Variants in IRF7 observed in about 807,000 individuals in gnomAD.
IRF7 encodes interferon regulatory factor 7.
Under a neutral mutation model 51.3 loss-of-function variants are expected in IRF7, and 67 were observed. The observed-to-expected ratio is 1.31, with a 90% confidence interval of 1.07 to 1.60. The LOEUF (loss-of-function observed/expected upper bound fraction) is 1.60, where lower values mean the gene tolerates loss of function less well. Among genes scored for constraint, IRF7 ranks in the 40% most tolerant of loss-of-function variants. The probability of loss-of-function intolerance (pLI) is 0.00; values close to 1 mark genes in which losing one functional copy is unlikely to be tolerated. For missense variants in IRF7, 873 were observed against 701.5 expected, an observed-to-expected ratio of 1.24 and a Z score of -2.76; for synonymous variants, 427 against 301.3, an observed-to-expected ratio of 1.42 and a Z score of -4.32.
In IRF7 at chr11:614,177, C is replaced by T. The variant is rs754879003; in HGVS notation, c.676G>A (p.Gly226Arg). Residue 226 changes from glycine (G) to arginine (R), a missense_variant, in exon 6 of 11, where the codon GGA becomes AGA. Gly to Arg is a moderately radical substitution (Grantham distance 125). Transcript: ENST00000525445. ...CCCTCCCCGGGCACGCCCACACCTC[C>T]AGCACAGGCCCCAGTCAGGGGAAGC... ...EGLPLTGACA[G>R]GPGLPAGELY... The T allele has an allele frequency of 1.2e-6, 2 of 1,612,274 alleles. No individual in the cohort carries two copies. The highest frequency in any genetic ancestry group is 1.1e-5 in the South Asian group (1 of 91,020).
chr11:614,316 C>A lies in IRF7; in HGVS notation c.537G>T (p.Lys179Asn). 6.2e-7 allele frequency: 1 copy of A among 1,611,730 alleles called. No homozygotes were observed. Among genetic ancestry groups the A allele is most frequent in the Non-Finnish European group, 8.5e-7 (1 of 1,179,490 alleles). The change falls in exon 6 of 11, where the codon AAG (lysine) becomes AAT (asparagine). Residue 179 changes from lysine to asparagine, a missense_variant. Lys to Asn is a moderately conservative substitution (Grantham distance 94). Coordinates refer to ENST00000525445, the MANE Select transcript of IRF7 (RefSeq NM_001572.5). The part of the protein sequence containing the change: ...PGPLPAPAGD[K>N]GDLLLQAVQQ... Reference sequence around the variant, plus strand: ...GCACTGCCTGGAGCAGGAGGTCCCCCTTGTCACCAGCTGGGGCAGGGAGGG... The same window carrying A: ...GCACTGCCTGGAGCAGGAGGTCCCCATTGTCACCAGCTGGGGCAGGGAGGG...
At position 614,123 on chromosome 11, in the gene IRF7, C is replaced by T. The variant is rs996454184; in HGVS notation, c.679+51G>A. On this transcript the variant is annotated intron_variant, in intron 6 of 10. Coordinates refer to ENST00000525445, the MANE Select transcript of IRF7 (RefSeq NM_001572.5). ...CCAGCCCCCTTCTAAAGTGTCCGTC[C>T]AGGTGCACTGGCCCCTCCCGCGCTC... 6 of 1,588,286 alleles carry T rather than the reference C, an allele frequency of 3.8e-6. No individual in the cohort carries two copies. The African/African-American group carries it at 8.1e-5, about 21-fold the overall frequency.
At chr11:615,056 G>A (rs777940765) in intron 3 of IRF7, 41 bp downstream of exon 3, 4 of 1,558,970 alleles carry the variant, frequency 2.6e-6, no homozygotes, top group East Asian at 2.3e-5. Flanking sequence ...GGTCCTAGGC[G>A]GGCTCTCCCA....
chr11:613,727 AAGCCGT>A, intron 8 of IRF7, 52 bp downstream of exon 8: 2 of 1,125,010 alleles, frequency 1.8e-6, no homozygotes, highest in Non-Finnish European at 2.3e-6. Context: ...GGGCGGGGAC[AAGCCGT>A]GAGTGACGGG....
chr11:613,990 T>C lies in IRF7; in HGVS notation c.727A>G (p.Thr243Ala), dbSNP rs149567022. The change falls in exon 7 of 11, where the codon ACC (threonine) becomes GCC (alanine). Residue 243 changes from threonine (T) to alanine (A), a missense_variant. By Grantham distance (58) the Thr-to-Ala change is moderately conservative (BLOSUM62 0). Coordinates refer to ENST00000525445, the MANE Select transcript of IRF7 (RefSeq NM_001572.5). Reference sequence around the variant, plus strand: ...GCGGGCTGGGGCCCGGGGCTGGGGGTCGTCTCTACTGCCCACCCGTACAGC... The same window carrying C: ...GCGGGCTGGGGCCCGGGGCTGGGGGCCGTCTCTACTGCCCACCCGTACAGC... ...GELYGWAVETTPSPGPQPAAL... is the reference protein window; with the variant it reads ...GELYGWAVETAPSPGPQPAAL... 4.5e-5 allele frequency: 72 copies of C among 1,605,250 alleles called. No individual in the cohort carries two copies. The African/African-American group carries it at 7.4e-4, about 17-fold the overall frequency.
Position 613,375 on chromosome 11 carries a change from C to T in IRF7, c.1068G>A (p.Gly356=). The T allele has an allele frequency of 1.2e-6, 2 of 1,605,684 alleles. No homozygotes were observed. Among genetic ancestry groups the T allele is most frequent in the Non-Finnish European group, 1.7e-6 (2 of 1,177,398 alleles). Residue 356 remains glycine, a synonymous_variant, in exon 9 of 11, where the codon GGG becomes GGA. Transcript: ENST00000525445. The part of the protein sequence containing the change: ...TEELLRHVAP[G]LHLELRGPQL... ...GTGGCCCCCGAAGCTCCAGGTGCAACCCAGGGGCCACGTGCCGCAGCAGTT... is the reference window on the plus strand; with the variant it reads ...GTGGCCCCCGAAGCTCCAGGTGCAATCCAGGGGCCACGTGCCGCAGCAGTT...
At position 615,412 on chromosome 11, in the gene IRF7, G is replaced by A. The variant is rs747866070; in HGVS notation, c.-48C>T. The A allele has an allele frequency of 1.4e-5, 21 of 1,467,156 alleles. No individual in the cohort carries two copies. In the East Asian group the frequency reaches 3.8e-4, roughly 27 times the overall value. The allele number at this position is 1,467,156 out of a possible 1,614,324, so 90.9% of individuals were successfully genotyped here. A position where few individuals can be genotyped will look rare whatever the true frequency, so the allele number is the denominator to read the frequency against. ...AGGTGGCGGTCAGGTGTTATAACAG[G>A]GGAGGTAAGGGCTCCTGTCGCAGCA... On this transcript the variant is annotated 5_prime_UTR_variant, in exon 2 of 11. Coordinates refer to ENST00000525445, the MANE Select transcript of IRF7 (RefSeq NM_001572.5).
At position 613,780 on chromosome 11, in the gene IRF7, C is replaced by CCT; in HGVS notation, c.847+4_847+5insAG. On this transcript the variant is annotated splice_donor_region_variant and intron_variant, in intron 8 of 10. Transcript: ENST00000525445. ...ACAGGCTGCCCCTTCCTGGGATGCA[C>CCT]TCACCTTGCACCGCGGTGCAGGCGC... 1 of 1,547,852 alleles carries CCT rather than the reference C, an allele frequency of 6.5e-7. No homozygotes were observed. The highest frequency in any genetic ancestry group is 2.2e-5 in the Admixed American group (1 of 44,612).
chr11:615,408 A>G lies in IRF7; in HGVS notation c.-44T>C. 1 of 1,473,452 alleles carries G rather than the reference A, an allele frequency of 6.8e-7. No homozygotes were observed. Among genetic ancestry groups the G allele is most frequent in the South Asian group, 1.4e-5 (1 of 71,836 alleles). 91.3% of individuals were successfully genotyped at this position (1,473,452 alleles called of 1,614,324 possible). ...AGTTAGGTGGCGGTCAGGTGTTATA[A>G]CAGGGGAGGTAAGGGCTCCTGTCGC... On this transcript the variant is annotated 5_prime_UTR_variant, in exon 2 of 11. Coordinates refer to ENST00000525445, the MANE Select transcript of IRF7 (RefSeq NM_001572.5).
In IRF7 at chr11:614,953, G is replaced by A; in HGVS notation, c.238C>T (p.Pro80Ser). 1.3e-6 allele frequency: 2 copies of A among 1,565,946 alleles called. No individual in the cohort carries two copies. Among genetic ancestry groups the A allele is most frequent in the Non-Finnish European group, 8.6e-7 (1 of 1,159,168 alleles). ...CGCTCCGCAGTCTCAGCCTCGGGGG[G>A]CGGGCCACCTCCCCTGCTGCTAGGC... ...WPPSSRGGGPPPEAETAERAG... is the reference protein window; with the variant it reads ...WPPSSRGGGPSPEAETAERAG... The change falls in exon 4 of 11, where the codon CCC becomes TCC. Residue 80 changes from proline (P) to serine (S), a missense_variant. Physicochemically the swap from Pro to Ser is moderately conservative, Grantham distance 74. Transcript: ENST00000525445.
Position 615,263 on chromosome 11 carries a change from C to A in IRF7, c.21-4G>T. On this transcript the variant is annotated splice_polypyrimidine_tract_variant and splice_region_variant and intron_variant, in intron 2 of 10. Coordinates refer to ENST00000525445, the MANE Select transcript of IRF7 (RefSeq NM_001572.5). ...GAACAGCACGCGTGGGGCTGCCCTG[C>A]GGGTGCCCGGCCGCGGAGAGTCAGG... 1 of 1,580,072 alleles carries A rather than the reference C, an allele frequency of 6.3e-7. No individual in the cohort carries two copies.
Position 613,510 on chromosome 11 carries a change from C to T in IRF7, c.933G>A (p.Thr311=). ...LQKVVGHPSC[T]FLYGPPDPAV... ...CTGGGTCTGGGGGGCCGTATAGGAACGTGCAGCTCGGGTGTCCCACCACCT... is the reference window on the plus strand; with the variant it reads ...CTGGGTCTGGGGGGCCGTATAGGAATGTGCAGCTCGGGTGTCCCACCACCT... Residue 311 remains threonine, a synonymous_variant, in exon 9 of 11, where the codon ACG becomes ACA. Transcript: ENST00000525445. The T allele has an allele frequency of 7.1e-6, 11 of 1,555,706 alleles. No homozygotes were observed. Among genetic ancestry groups the T allele is most frequent in the Non-Finnish European group, 9.5e-6 (11 of 1,153,742 alleles).
Position 613,296 on chromosome 11 carries a change from G to A in IRF7, c.1147C>T (p.Pro383Ser). 6.2e-7 allele frequency: 1 copy of A among 1,610,334 alleles called. No homozygotes were observed. The highest frequency in any genetic ancestry group is 8.5e-7 in the Non-Finnish European group (1 of 1,178,818). ...GTGGAGGGGCTGGCGGAGCCTGGGGGTCCGCCCACCTCCCAGTACACCTTG... is the reference window on the plus strand; with the variant it reads ...GTGGAGGGGCTGGCGGAGCCTGGGGATCCGCCCACCTCCCAGTACACCTTG... ...KCKVYWEVGG[P>S]PGSASPSTPA... Residue 383 changes from proline (P) to serine (S), a missense_variant, in exon 9 of 11, where the codon CCC becomes TCC. Physicochemically the swap from Pro to Ser is moderately conservative, Grantham distance 74. Transcript: ENST00000525445.
chr11:614,310 G>A lies in IRF7; in HGVS notation c.543C>T (p.Asp181=). The stretch of plus-strand genomic sequence containing the variant: ...TCTGTTGCACTGCCTGGAGCAGGAG[G>A]TCCCCCTTGTCACCAGCTGGGGCAG... The part of the protein sequence containing the change: ...PLPAPAGDKG[D]LLLQAVQQSC... The change falls in exon 6 of 11, where the codon GAC becomes GAT. Residue 181 remains aspartate (D), a synonymous_variant. Coordinates refer to ENST00000525445, the MANE Select transcript of IRF7 (RefSeq NM_001572.5). 9 of 1,611,736 alleles carry A rather than the reference G, an allele frequency of 5.6e-6. No individual in the cohort carries two copies. The highest frequency in any genetic ancestry group is 1.1e-5 in the South Asian group (1 of 90,788).
rs113389008 is a variant in IRF7, at chr11:613,605, G to A, written c.848-10C>T. On this transcript the variant is annotated splice_polypyrimidine_tract_variant and intron_variant, in intron 8 of 10. Transcript: ENST00000525445. ...GCCCCTGGGCTGGGCTCTGTGTGGA[G>A]ACCAAGCTGTGAGTGACGGGGGTGG... is the stretch of plus-strand genomic sequence containing the variant. 294 of 1,366,586 alleles carry A rather than the reference G, an allele frequency of 2.2e-4. 1 individual carries two copies. Among genetic ancestry groups the A allele is most frequent in the Non-Finnish European group, 2.8e-4 (290 of 1,042,026 alleles). The allele number at this position is 1,366,586 out of a possible 1,614,324, so 84.7% of individuals were successfully genotyped here.
chr11:613,650 G>A, intron 8 of IRF7, 55 bp from the exon 9 acceptor site: 1 of 906,424 alleles, frequency 1.1e-6, no homozygotes, highest in Non-Finnish European at 1.5e-6. Context: ...GGCTGTGAGT[G>A]ACGGGGGTGG....
At chr11:615,698 G>A (rs1027173773) in intron 1 of IRF7, 51 bp from the exon 2 acceptor site, 1 of 378,386 alleles carries the variant, frequency 2.6e-6, no homozygotes, top group East Asian at 3.9e-5. Context: ...TCCCGGGAAA[G>A]CGAAACCTAA....
intron 5 of IRF7, 37 bp downstream of exon 5, chr11:614,439 G>A: frequency 6.3e-7 from 1 of 1,579,382 alleles, no homozygotes; most frequent in South Asian, 1.2e-5. Flanking sequence ...CAGCTCCGCG[G>A]CCTGGCAGGA....
chr11:614,971 T>C lies in IRF7; in HGVS notation c.220A>G (p.Ser74Gly). 1 of 1,554,126 alleles carries C rather than the reference T, an allele frequency of 6.4e-7. No homozygotes were observed. The highest frequency in any genetic ancestry group is 8.7e-7 in the Non-Finnish European group (1 of 1,154,848). ...TCGGGGGGCGGGCCACCTCCCCTGC[T>C]GCTAGGCGGCCACCTGCCGCGGGCC... Reference protein sequence around the residue: ...AVARGRWPPSSRGGGPPPEAE... With the variant: ...AVARGRWPPSGRGGGPPPEAE... The change falls in exon 4 of 11, where the codon AGC (serine) becomes GGC (glycine). Residue 74 changes from serine to glycine, a missense_variant. Physicochemically the swap from Ser to Gly is moderately conservative, Grantham distance 56. Transcript: ENST00000525445.
Sources: allele counts gnomAD v4.1 joint callset, GRCh38; gene constraint gnomAD v4.1.1; transcripts MANE v1.5; gene names NCBI Gene and HGNC (gene_info 2026-07-23, HGNC 2026-07-21).